SLC39A11: variants seen among roughly 807,000 people sequenced by gnomAD.
SLC39A11 encodes the protein zinc transporter ZIP11.
SLC39A11 carries 33 observed loss-of-function variants against 36.1 expected under a neutral mutation model. That is an observed-to-expected ratio of 0.91 (90% CI 0.69 to 1.22). The LOEUF (loss-of-function observed/expected upper bound fraction) is 1.22. SLC39A11 is among the 50% of genes most tolerant of loss of function. The pLI is 0.00. For synonymous variants in SLC39A11, 166 were observed against 170.3 expected (o/e 0.97, Z 0.20); for missense variants, 432 against 430.3 (o/e 1.00, Z -0.03).
chr17:72,848,736 C>T (rs1420891730), intron 6 of SLC39A11, among the ~76,000 whole-genome samples: 2 of 132,622 alleles, frequency 1.5e-5, no homozygotes, highest in African/African-American at 5.2e-5. Flanking sequence ...AAAAAAAAGA[C>T]ATAAAAGAAA....
chr17:72,872,746 T>C (rs1251947371), intron 5 of SLC39A11, among the ~76,000 whole-genome samples: 1 of 152,092 alleles, frequency 6.6e-6, no homozygotes, highest in Non-Finnish European at 1.5e-5. Context: ...AACTAACCAA[T>C]TGGCCACCAG....
At chr17:72,901,723 G>A (rs1269933897) in intron 5 of SLC39A11, among the ~76,000 whole-genome samples, 1 of 152,176 alleles carries the variant, frequency 6.6e-6, no homozygotes, top group Non-Finnish European at 1.5e-5. Flanking sequence ...GTGGCAGTGA[G>A]TTGAATGGGG....
intron 9 of SLC39A11, 108 bp from the exon 10 acceptor site, chr17:72,647,770 C>T: frequency 3.7e-6 from 3 of 807,684 alleles, no homozygotes; most frequent in Non-Finnish European, 6.1e-6. Flanking sequence ...AGCACACTAC[C>T]ATTAATAATG....
chr17:72,801,576 G>A (rs1204225522), intron 6 of SLC39A11, among the ~76,000 whole-genome samples: 1 of 152,142 alleles, frequency 6.6e-6, no homozygotes, highest in Admixed American at 6.5e-5. Context: ...GCACAATTTT[G>A]AATATACTAA....
chr17:72,962,207 C>T (rs1045975473), intron 4 of SLC39A11, among the ~76,000 whole-genome samples: 1 of 152,202 alleles, frequency 6.6e-6, no homozygotes, highest in Non-Finnish European at 1.5e-5. Context: ...ATACACCATG[C>T]CTGGATAAGA....
rs191685988 is a variant in SLC39A11, at chr17:72,855,763, G to A, written c.431-5959C>T. On this transcript the variant is annotated intron_variant, in intron 5 of 9. Transcript: ENST00000255559. Reference sequence around the variant, plus strand: ...ATACAAAAAATTAGCCAGGCGTGGTGGCGGGCACCTGTAGTCCTAGCTACT... The same window carrying A: ...ATACAAAAAATTAGCCAGGCGTGGTAGCGGGCACCTGTAGTCCTAGCTACT... Among the ~76,000 whole-genome samples, 661 of 152,248 alleles carry A rather than the reference G, an allele frequency of 4.3e-3. 6 individuals are homozygous for A. Among genetic ancestry groups the A allele is most frequent in the East Asian group, 0.016 (85 of 5,176 alleles).
At chr17:72,789,971 GC>G (rs757146465) in intron 6 of SLC39A11, among the ~76,000 whole-genome samples, 1 of 152,170 alleles carries the variant, frequency 6.6e-6, no homozygotes, top group Non-Finnish European at 1.5e-5. Context: ...CAAAGATTGA[GC>G]TGAGGGAAAT....
At chr17:72,832,822 G>C (rs945618813) in intron 6 of SLC39A11, among the ~76,000 whole-genome samples, 1 of 152,174 alleles carries the variant, frequency 6.6e-6, no homozygotes, top group African/African-American at 2.4e-5. Flanking sequence ...ATGAATATGA[G>C]TAAGCTGGGA....
chr17:72,711,685 C>T (rs191455321), intron 7 of SLC39A11, among the ~76,000 whole-genome samples: 12 of 152,268 alleles, frequency 7.9e-5, no homozygotes, highest in Admixed American at 5.9e-4. Context: ...TGAGTGCAGG[C>T]GGTGGGGACA....
chr17:73,033,708 C>T (rs1034680018), intron 3 of SLC39A11, among the ~76,000 whole-genome samples: 6 of 152,142 alleles, frequency 3.9e-5, no homozygotes, highest in African/African-American at 1.4e-4. Context: ...CAGTCATCGC[C>T]GACACAGAAA....
At chr17:72,773,095 A>G (rs1171243925) in intron 6 of SLC39A11, among the ~76,000 whole-genome samples, 4 of 152,334 alleles carry the variant, frequency 2.6e-5, no homozygotes, top group Non-Finnish European at 4.4e-5. Context: ...TCAAAAAAGA[A>G]AAAAGAAAGA....
intron 7 of SLC39A11, among the ~76,000 whole-genome samples, chr17:72,689,883 A>G (rs1325179894): frequency 6.6e-6 from 1 of 152,212 alleles, no homozygotes; most frequent in Non-Finnish European, 1.5e-5. Context: ...CAGTTGTACA[A>G]CATTGACAGT....
rs558193911 is a variant in SLC39A11 at position 73,050,462 on chromosome 17, C to CTTTTTTTTTTTT, written c.148-18760_148-18749dup. Among the ~76,000 whole-genome samples the CTTTTTTTTTTTT allele has an allele frequency of 7.9e-4, 98 of 124,298 alleles. 2 individuals are homozygous for CTTTTTTTTTTTT. The highest frequency in any genetic ancestry group is 2.9e-3 in the African/African-American group (93 of 31,854). The allele number at this position is 124,298 out of a possible 152,430, so 81.5% of individuals were successfully genotyped here. Reference sequence around the variant, plus strand: ...AGGAGCAGGGAGCCATGTGAACTGACTTTTTTTTTTTTTTTTTTTGAGACA... The same window carrying CTTTTTTTTTTTT: ...AGGAGCAGGGAGCCATGTGAACTGACTTTTTTTTTTTTTTTTTTTTTTTTTTTTTTTGAGACA... On this transcript the variant is annotated intron_variant, in intron 3 of 9. Transcript: ENST00000255559.
chr17:72,960,707 C>CT (rs2086555652), intron 4 of SLC39A11, among the ~76,000 whole-genome samples: 1 of 152,022 alleles, frequency 6.6e-6, no homozygotes, highest in East Asian at 1.9e-4. Flanking sequence ...GTCCCAGCTA[C>CT]TAGGGAGGCA....
intron 3 of SLC39A11, among the ~76,000 whole-genome samples, chr17:73,045,996 C>G (rs1201107629): frequency 2.0e-5 from 3 of 152,216 alleles, no homozygotes; most frequent in African/African-American, 7.2e-5. Context: ...CTCACTCACA[C>G]TGATCCAATC....
intron 3 of SLC39A11, among the ~76,000 whole-genome samples, chr17:73,074,862 C>G (rs1038567895): frequency 6.6e-6 from 1 of 152,186 alleles, no homozygotes; most frequent in Non-Finnish European, 1.5e-5. Flanking sequence ...CTTTTCACGC[C>G]TAGAAGTAAG....
intron 7 of SLC39A11, among the ~76,000 whole-genome samples, chr17:72,701,763 GAA>G (rs2072640609): frequency 9.3e-6 from 1 of 107,508 alleles, no homozygotes; most frequent in Non-Finnish European, 2.0e-5. Context: ...GAGAAAGAAA[GAA>G]AGAGAAAGAA....
chr17:72,725,871 T>C (rs1267854005), intron 7 of SLC39A11, among the ~76,000 whole-genome samples: 1 of 152,208 alleles, frequency 6.6e-6, no homozygotes, highest in Non-Finnish European at 1.5e-5. Flanking sequence ...CAATGTGCGA[T>C]TGCAGATAAA....
intron 6 of SLC39A11, among the ~76,000 whole-genome samples, chr17:72,740,056 C>CTTTTTTTTTTTTTTTTTTTTTT (rs386386565): frequency 1.2e-5 from 1 of 81,462 alleles, no homozygotes; most frequent in African/African-American, 5.2e-5. Flanking sequence ...CTTTCCTTTT[C>CTTTTTTTTTTTTTTTTTTTTTT]TTTTTTTTTT....
Sources: allele counts gnomAD v4.1 joint callset (sites outside exome capture counted in the v4.1 genomes callset), GRCh38; gene constraint gnomAD v4.1.1; transcripts MANE v1.5; gene names NCBI Gene and HGNC (gene_info 2026-07-23, HGNC 2026-07-21).